Variants in TRMT5 observed in about 807,000 individuals in gnomAD.
TRMT5 encodes tRNA methyltransferase 5.
Under a neutral mutation model 42.2 loss-of-function variants are expected in TRMT5, and 31 were observed. The observed-to-expected ratio is 0.73, with a 90% CI of 0.55 to 0.99. The LOEUF (loss-of-function observed/expected upper bound fraction) is 0.99, where lower values mean the gene tolerates loss of function less well. Ranked by LOEUF, TRMT5 falls within the 50% of genes least tolerant of loss-of-function variation. The probability of loss-of-function intolerance (pLI) is 0.00; values close to 1 mark genes in which losing one functional copy is unlikely to be tolerated. For missense variants in TRMT5, 568 were observed against 595.0 expected, an observed-to-expected ratio of 0.95 and a Z score of 0.47; for synonymous variants, 198 against 209.6, an observed-to-expected ratio of 0.94 and a Z score of 0.48.
chr14:60,977,611 C>T lies in TRMT5; in HGVS notation c.695G>A (p.Gly232Glu). 4 of 1,606,988 alleles carry T rather than the reference C, an allele frequency of 2.5e-6. No individual in the cohort carries two copies. Among genetic ancestry groups the T allele is most frequent in the Non-Finnish European group, 3.4e-6 (4 of 1,176,540 alleles). The change falls in exon 3 of 5, where the codon GGA (glycine) becomes GAA (glutamate). Residue 232 changes from glycine (G) to glutamate (E), a missense_variant. Gly to Glu is a moderately conservative substitution (Grantham distance 98). Transcript: ENST00000261249. ...IGQVMIDKNP[G>E]ITSAVNKINN... ...TATTTTATTTACTGCTGAGGTGATTCCTGGATTTTTGTCAATCATAACCTG... is the reference window on the plus strand; with the variant it reads ...TATTTTATTTACTGCTGAGGTGATTTCTGGATTTTTGTCAATCATAACCTG...
upstream of TRMT5, chr14:60,981,090 C>A: frequency 6.3e-7 from 1 of 1,597,164 alleles, no homozygotes; most frequent in African/African-American, 1.3e-5. Flanking sequence ...GACATCATCA[C>A]TGTTCGCCGC....
At chr14:60,976,838 T>C (rs972698308) in intron 3 of TRMT5, among the ~76,000 whole-genome samples, 1 of 152,190 alleles carries the variant, frequency 6.6e-6, no homozygotes, top group Non-Finnish European at 1.5e-5. Flanking sequence ...TTTGGGTCTA[T>C]TGTAGTAGAC....
At chr14:60,980,197 T>G (rs1202865401) in intron 1 of TRMT5, among the ~76,000 whole-genome samples, 2 of 152,218 alleles carry the variant, frequency 1.3e-5, no homozygotes, top group Non-Finnish European at 2.9e-5. Context: ...ATTGGAAGAC[T>G]GAAGTATGAG....
In TRMT5 at chr14:60,979,268, G is replaced by A. The variant is rs1387190079; in HGVS notation, c.630C>T (p.Asn210=). 1 of 1,613,308 alleles carries A rather than the reference G, an allele frequency of 6.2e-7. No individual in the cohort carries two copies. Among genetic ancestry groups the A allele is most frequent in the African/African-American group, 1.3e-5 (1 of 74,892 alleles). ...FSRIGHIAHL[N]LRDHQLPFKH... The stretch of plus-strand genomic sequence containing the variant: ...TGAAAGGCAGCTGATGATCTCGAAG[G>A]TTTAGGTGTGCAATATGTCCAATCC... Residue 210 remains asparagine, a synonymous_variant, in exon 2 of 5, where the codon AAC becomes AAT. Transcript: ENST00000261249.
Position 60,973,292 on chromosome 14 carries a change from G to C in TRMT5, c.*1817C>G, listed in dbSNP as rs2036802339. 6.6e-6 allele frequency: 1 copy of C among 152,174 alleles called. No homozygotes were observed. The highest frequency in any genetic ancestry group is 6.5e-5 in the Admixed American group (1 of 15,270). 9.4% of individuals were successfully genotyped at this position (152,174 alleles called of 1,614,324 possible). A position where few individuals can be genotyped will look rare whatever the true frequency, so the allele number is the denominator to read the frequency against. On this transcript the variant is annotated 3_prime_UTR_variant, in exon 5 of 5. Transcript: ENST00000261249. ...GGTATAATTGGCTCACAGTTCTCCA[G>C]GCTATAGGAAGCATAGCACTGGCAT...
chr14:60,981,127 G>T (rs944071953), upstream of TRMT5: 2 of 1,559,580 alleles, frequency 1.3e-6, no homozygotes, highest in African/African-American at 2.7e-5. Flanking sequence ...ATCAGATCAA[G>T]TCGACTCGCT....
Position 60,972,458 on chromosome 14 carries a change from C to T in TRMT5, c.*2651G>A, listed in dbSNP as rs1290993490. 1.9e-5 allele frequency: 10 copies of T among 518,636 alleles called. No homozygotes were observed. In the East Asian group the frequency reaches 4.3e-4, roughly 22 times the overall value. The allele number at this position is 518,636 out of a possible 1,614,324, so 32.1% of individuals were successfully genotyped here. ...CTTTAGCATCCCCTTCAGTCTTTCT[C>T]TTGGGCATGGCGGCGGCGGCGGCGG... On this transcript the variant is annotated 3_prime_UTR_variant, in exon 5 of 5. Transcript: ENST00000261249.
rs1450487988 is a variant in TRMT5 at position 60,979,700 on chromosome 14, A to C, written c.198T>G (p.His66Gln). Reference protein sequence around the residue: ...RFSTMPETETHERETELFSPP... With the variant: ...RFSTMPETETQERETELFSPP... The stretch of plus-strand genomic sequence containing the variant: ...GTGAAAACAATTCAGTCTCTCTCTC[A>C]TGTGTTTCTGTTTCTGGCATGGTTG... Residue 66 changes from histidine (H) to glutamine (Q), a missense_variant, in exon 2 of 5, where the codon CAT becomes CAG. Coordinates refer to ENST00000261249, the MANE Select transcript of TRMT5 (RefSeq NM_020810.3). The C allele has an allele frequency of 3.7e-6, 6 of 1,614,038 alleles. No individual in the cohort carries two copies. In the African/African-American group the frequency reaches 8.0e-5, roughly 22 times the overall value.
At position 60,974,966 on chromosome 14, in the gene TRMT5, T is replaced by G. The variant is rs1465003346; in HGVS notation, c.*143A>C. The G allele has an allele frequency of 2.0e-6, 1 of 488,020 alleles. No homozygotes were observed. Among genetic ancestry groups the G allele is most frequent in the African/African-American group, 2.0e-5 (1 of 50,144 alleles). 30.2% of individuals were successfully genotyped at this position (488,020 alleles called of 1,614,324 possible). On this transcript the variant is annotated 3_prime_UTR_variant, in exon 5 of 5. Transcript: ENST00000261249. ...TTGGTAGCCTTAGTTCAGTTAAAGT[T>G]TAATTGGTAATCCTCAATTTGTAAA...
At position 60,979,765 on chromosome 14, in the gene TRMT5, C is replaced by T. The variant is rs150947174; in HGVS notation, c.133G>A (p.Ala45Thr). The T allele has an allele frequency of 1.1e-4, 179 of 1,613,864 alleles. No homozygotes were observed. The highest frequency in any genetic ancestry group is 1.4e-4 in the Non-Finnish European group (169 of 1,180,010). The change falls in exon 2 of 5, where the codon GCA becomes ACA. Residue 45 changes from alanine to threonine, a missense_variant. Ala to Thr is a moderately conservative substitution (Grantham distance 58, BLOSUM62 0). Transcript: ENST00000261249. Reference protein sequence around the residue: ...WTSLTQMLLEAPGIFLLGQRK... With the variant: ...WTSLTQMLLETPGIFLLGQRK... Reference sequence around the variant, plus strand: ...TGACCCAATAAGAAAATACCAGGTGCTTCCAAAAGCATCTGTGTCAGGGAT... The same window carrying T: ...TGACCCAATAAGAAAATACCAGGTGTTTCCAAAAGCATCTGTGTCAGGGAT...
At chr14:60,975,262 AAC>A in intron 4 of TRMT5, 68 bp from the exon 5 acceptor site, 1 of 1,414,220 alleles carries the variant, frequency 7.1e-7, no homozygotes, top group Non-Finnish European at 9.7e-7. Context: ...TAAAAAAACA[AAC>A]AATATAGGCA....
At position 60,976,037 on chromosome 14, in the gene TRMT5, T is replaced by G. The variant is rs1405662661; in HGVS notation, c.882A>C (p.Glu294Asp). 6.2e-7 allele frequency: 1 copy of G among 1,614,054 alleles called. No individual in the cohort carries two copies. The highest frequency in any genetic ancestry group is 1.3e-5 in the African/African-American group (1 of 74,918). The change falls in exon 4 of 5, where the codon GAA becomes GAC. Residue 294 changes from glutamate to aspartate, a missense_variant. Coordinates refer to ENST00000261249, the MANE Select transcript of TRMT5 (RefSeq NM_020810.3). The part of the protein sequence containing the change: ...RLSTEHSRIT[E>D]LLKPGDVLFD... The stretch of plus-strand genomic sequence containing the variant: ...ATAGGACATCCCCAGGTTTGAGAAG[T>G]TCTGTGATACGGCTGTGTTCTGTAG...
At position 60,979,832 on chromosome 14, in the gene TRMT5, A is replaced by C. The variant is rs2036914271; in HGVS notation, c.66T>G (p.His22Gln). 1 of 1,604,034 alleles carries C rather than the reference A, an allele frequency of 6.2e-7. No homozygotes were observed. Among genetic ancestry groups the C allele is most frequent in the African/African-American group, 1.3e-5 (1 of 74,356 alleles). The change falls in exon 2 of 5, where the codon CAT becomes CAG. Residue 22 changes from histidine to glutamine, a missense_variant. Coordinates refer to ENST00000261249, the MANE Select transcript of TRMT5 (RefSeq NM_020810.3). ...FSGRFLKLES[H>Q]SITESKSLIP... is the part of the protein sequence containing the mutation. Reference sequence around the variant, plus strand: ...TCAACGATTTTGATTCAGTTATGCTATGGCTTTCCAGTTTCAGAAATCTTC... The same window carrying C: ...TCAACGATTTTGATTCAGTTATGCTCTGGCTTTCCAGTTTCAGAAATCTTC...
chr14:60,976,031 G>C lies in TRMT5; in HGVS notation c.888C>G (p.Leu296=), dbSNP rs372011452. ...CATCAAATAGGACATCCCCAGGTTT[G>C]AGAAGTTCTGTGATACGGCTGTGTT... is the stretch of plus-strand genomic sequence containing the variant. ...STEHSRITEL[L]KPGDVLFDVF... is the part of the protein sequence containing the mutation. Residue 296 remains leucine, a synonymous_variant, in exon 4 of 5, where the codon CTC becomes CTG. Coordinates refer to ENST00000261249, the MANE Select transcript of TRMT5 (RefSeq NM_020810.3). 164 of 1,614,122 alleles carry C rather than the reference G, an allele frequency of 1.0e-4. No homozygotes were observed. The highest frequency in any genetic ancestry group is 1.3e-4 in the Non-Finnish European group (157 of 1,180,044).
At chr14:60,981,223 C>G (rs2036981855), upstream of TRMT5, 5 of 1,555,400 alleles carry the variant, frequency 3.2e-6, no homozygotes, top group Admixed American at 7.7e-5. Flanking sequence ...ACGACTGGAG[C>G]GCAGGGCAGG....
chr14:60,977,496 G>A lies in TRMT5; in HGVS notation c.792+18C>T, dbSNP rs368161815. ...CATAATATTGATATACACCTTACTT[G>A]GAGATAATAAAATATACCTTTGTCA... is the stretch of plus-strand genomic sequence containing the variant. On this transcript the variant is annotated intron_variant, in intron 3 of 4. Coordinates refer to ENST00000261249, the MANE Select transcript of TRMT5 (RefSeq NM_020810.3). 5.7e-6 allele frequency: 9 copies of A among 1,590,816 alleles called. No homozygotes were observed. The African/African-American group carries it at 1.2e-4, about 22-fold the overall frequency.
At chr14:60,975,279 T>A in intron 4 of TRMT5, 85 bp from the exon 5 acceptor site, 2 of 1,347,648 alleles carry the variant, frequency 1.5e-6, no homozygotes, top group Non-Finnish European at 2.0e-6. Flanking sequence ...TAGGCATTTT[T>A]AATCTAGTCA....
intron 2 of TRMT5, among the ~76,000 whole-genome samples, chr14:60,978,412 T>C (rs936798273): frequency 4.6e-5 from 7 of 152,222 alleles, no homozygotes; most frequent in African/African-American, 1.7e-4. Flanking sequence ...ATAGTATCAA[T>C]AAACGAATTA....
chr14:60,977,446 C>G, intron 3 of TRMT5, 68 bp downstream of exon 3: 1 of 1,460,192 alleles, frequency 6.8e-7, no homozygotes, highest in Non-Finnish European at 9.2e-7. Context: ...TATTTTAAAT[C>G]TTTGTCATCT....
Sources: gnomAD v4.1 joint callset for allele counts (sites outside exome capture counted in the v4.1 genomes callset) on GRCh38, gnomAD v4.1.1 for gene constraint, MANE v1.5 for transcripts, NCBI Gene and HGNC (gene_info 2026-07-23, HGNC 2026-07-21) for gene names.